FHIP1A: variants seen among roughly 807,000 people sequenced by gnomAD.
FHIP1A encodes the protein FHF complex subunit HOOK interacting protein 1A.
FHIP1A carries 61 observed loss-of-function variants against 88.6 expected under a neutral mutation model. That is an observed-to-expected ratio of 0.69 (90% CI 0.56 to 0.85). FHIP1A has a LOEUF of 0.85. Ranked by LOEUF, FHIP1A falls within the 40% of genes least tolerant of loss-of-function variation. The pLI is 0.00. For synonymous variants in FHIP1A, 478 were observed against 496.0 expected, an observed-to-expected ratio of 0.96 and a Z score of 0.48; for missense variants, 1,154 against 1,273.5, an observed-to-expected ratio of 0.91 and a Z score of 1.43.
At chr4:151,449,827 A>G (rs1728731750) in intron 1 of FHIP1A, among the ~76,000 whole-genome samples, 1 of 152,094 alleles carries the variant, frequency 6.6e-6, no homozygotes, top group Non-Finnish European at 1.5e-5. Context: ...ACAAACTCGT[A>G]TTTTGCTTTT....
At chr4:151,558,812 A>T (rs1733059838) in intron 3 of FHIP1A, among the ~76,000 whole-genome samples, 1 of 152,200 alleles carries the variant, frequency 6.6e-6, no homozygotes, top group African/African-American at 2.4e-5. Flanking sequence ...TAGACTGACA[A>T]AAACTTTGGC....
At position 151,461,763 on chromosome 4, in the gene FHIP1A, A is replaced by G. The variant is rs996261971; in HGVS notation, c.-248+6955A>G. Among the ~76,000 whole-genome samples, 6 of 152,204 alleles carry G rather than the reference A, an allele frequency of 3.9e-5. No homozygotes were observed. The East Asian group carries it at 5.8e-4, about 15-fold the overall frequency. ...TGTAGCAGTTGGGACTGTGTAAGTG[A>G]TTGGATAGCCTAATCGAGTCAGATC... On this transcript the variant is annotated intron_variant, in intron 2 of 13. Transcript: ENST00000435205.
intron 1 of FHIP1A, among the ~76,000 whole-genome samples, chr4:151,427,127 T>G (rs1160609504): frequency 6.6e-6 from 1 of 151,882 alleles, no homozygotes; most frequent in African/African-American, 2.4e-5. Context: ...CCTTAATGAT[T>G]TTTTTTTAAG....
intron 7 of FHIP1A, among the ~76,000 whole-genome samples, chr4:151,594,966 C>A (rs1254499920): frequency 6.6e-6 from 1 of 152,106 alleles, no homozygotes; most frequent in African/African-American, 2.4e-5. Context: ...TTAATCTTTT[C>A]AAAAAACCAG....
intron 4 of FHIP1A, among the ~76,000 whole-genome samples, chr4:151,570,086 C>T (rs986811633): frequency 6.6e-6 from 1 of 152,180 alleles, no homozygotes; most frequent in African/African-American, 2.4e-5. Flanking sequence ...TCTGGTTGAA[C>T]CTTTCAGTGG....
intron 7 of FHIP1A, among the ~76,000 whole-genome samples, chr4:151,589,312 G>A (rs1053925425): frequency 2.0e-5 from 3 of 152,224 alleles, no homozygotes; most frequent in Non-Finnish European, 2.9e-5. Flanking sequence ...GGTAGCACAA[G>A]TGCCATAGAT....
At chr4:151,658,149 C>T (rs1208425624) in intron 13 of FHIP1A, among the ~76,000 whole-genome samples, 1 of 152,172 alleles carries the variant, frequency 6.6e-6, no homozygotes, top group African/African-American at 2.4e-5. Context: ...TGCCATGTGG[C>T]CTCCTTAGAC....
At chr4:151,494,529 A>G (rs1222528730) in intron 3 of FHIP1A, among the ~76,000 whole-genome samples, 1 of 151,862 alleles carries the variant, frequency 6.6e-6, no homozygotes, top group Admixed American at 6.6e-5. Flanking sequence ...CCATTGCTCT[A>G]TGGTCTGTTT....
At chr4:151,526,574 C>A (rs1395666480) in intron 3 of FHIP1A, among the ~76,000 whole-genome samples, 2 of 134,792 alleles carry the variant, frequency 1.5e-5, no homozygotes, top group Admixed American at 7.2e-5. Flanking sequence ...GCAGAGGCGC[C>A]CCTCACCTCC....
chr4:151,606,262 A>G (rs1178210556), intron 7 of FHIP1A, among the ~76,000 whole-genome samples: 1 of 152,102 alleles, frequency 6.6e-6, no homozygotes, highest in Non-Finnish European at 1.5e-5. Flanking sequence ...GGATTTTTGG[A>G]TGCTTCAGCA....
intron 1 of FHIP1A, among the ~76,000 whole-genome samples, chr4:151,424,762 A>G (rs1332468704): frequency 6.6e-6 from 1 of 151,950 alleles, no homozygotes; most frequent in Non-Finnish European, 1.5e-5. Context: ...TCCTGGTACT[A>G]TCTTAAAAAC....
At chr4:151,509,091 A>G (rs1027268230) in intron 3 of FHIP1A, among the ~76,000 whole-genome samples, 1 of 152,138 alleles carries the variant, frequency 6.6e-6, no homozygotes, top group Non-Finnish European at 1.5e-5. Context: ...ACTCGAGGAG[A>G]GTAAAGGAGC....
intron 7 of FHIP1A, among the ~76,000 whole-genome samples, chr4:151,589,153 A>G (rs2126809289): frequency 6.6e-6 from 1 of 152,306 alleles, no homozygotes; most frequent in East Asian, 1.9e-4. Flanking sequence ...CAAGTAGGAT[A>G]GTCAGCCTAA....
rs1264819951 is a variant in FHIP1A, at chr4:151,577,844, A to G, written c.500A>G (p.Asn167Ser). 34 of 1,551,930 alleles carry G rather than the reference A, an allele frequency of 2.2e-5. No individual in the cohort carries two copies. Among genetic ancestry groups the G allele is most frequent in the Middle Eastern group, 1.7e-4 (1 of 5,992 alleles). ...GAGGAGAAGCTGGTTGTCCTACTCA[A>G]TCAGCTCTGTTCCATTCTTGCCAAA... Reference protein sequence around the residue: ...TVEEKLVVLLNQLCSILAKDP... With the variant: ...TVEEKLVVLLSQLCSILAKDP... Residue 167 changes from asparagine to serine, a missense_variant, in exon 5 of 14, where the codon AAT (asparagine) becomes AGT (serine). Coordinates refer to ENST00000435205, the MANE Select transcript of FHIP1A (RefSeq NM_001109977.3).
At chr4:151,588,778 T>C in intron 6 of FHIP1A, 62 bp from the exon 7 acceptor site, 1 of 1,069,256 alleles carries the variant, frequency 9.4e-7, no homozygotes, top group Non-Finnish European at 1.4e-6. Context: ...CAGAATTGTT[T>C]TATTTTAAGA....
chr4:151,596,606 C>T (rs1230977393), intron 7 of FHIP1A, among the ~76,000 whole-genome samples: 2 of 152,158 alleles, frequency 1.3e-5, no homozygotes, highest in Admixed American at 1.3e-4. Flanking sequence ...GGATAATATC[C>T]TGAAGAGTGT....
At chr4:151,492,368 G>A (rs1400372662) in intron 3 of FHIP1A, among the ~76,000 whole-genome samples, 1 of 151,984 alleles carries the variant, frequency 6.6e-6, no homozygotes, top group African/African-American at 2.4e-5. Context: ...GAGGTGGGTG[G>A]ATCACCTGAG....
At chr4:151,586,581 G>T (rs1734221708) in intron 5 of FHIP1A, 60 bp from the exon 6 acceptor site, 1 of 1,384,860 alleles carries the variant, frequency 7.2e-7, no homozygotes, top group African/African-American at 1.4e-5. Context: ...CCTGTGAGCT[G>T]TTAATTGCAG....
In FHIP1A at chr4:151,515,739, C is replaced by T. The variant is rs563223689; in HGVS notation, c.-123+33091C>T. 7.2e-5 allele frequency among the ~76,000 whole-genome samples: 11 copies of T among 151,916 alleles called. No individual in the cohort carries two copies. In the East Asian group the frequency reaches 2.1e-3, roughly 29 times the overall value. ...ATAAAATACCTAGGAATCCAACTTA[C>T]AAGGGATGTGAAGGACCTCTTCAAG... is the stretch of plus-strand genomic sequence containing the variant. On this transcript the variant is annotated intron_variant, in intron 3 of 13. Transcript: ENST00000435205.
Sources: gnomAD v4.1 joint callset for allele counts (sites outside exome capture counted in the v4.1 genomes callset) on GRCh38, gnomAD v4.1.1 for gene constraint, MANE v1.5 for transcripts, NCBI Gene and HGNC (gene_info 2026-07-23, HGNC 2026-07-21) for gene names.